The following ADAM10 variants were observed in gnomAD, a reference collection of about 807,000 sequenced individuals.
ADAM10 encodes the protein disintegrin and metalloproteinase domain-containing protein 10.
A neutral mutation model predicts 90.1 loss-of-function variants in ADAM10; 17 were observed. The observed-to-expected ratio is 0.19, with a 90% confidence interval of 0.13 to 0.28. ADAM10 has a LOEUF of 0.28. Among genes scored for constraint, ADAM10 ranks in the 10% least tolerant of loss-of-function variants. The pLI is 1.00. For missense variants in ADAM10, 610 were observed against 914.3 expected (o/e 0.67, Z 4.29); for synonymous variants, 310 against 298.6 (o/e 1.04, Z -0.40).
chr15:58,736,798 C>T (rs1194662758), intron 1 of ADAM10, among the ~76,000 whole-genome samples: 3 of 151,970 alleles, frequency 2.0e-5, no homozygotes, highest in Non-Finnish European at 4.4e-5. Context: ...AGAAGAATAA[C>T]TAGATTGGAT....
At chr15:58,605,688 G>T (rs1895251592) in intron 14 of ADAM10, among the ~76,000 whole-genome samples, 1 of 152,020 alleles carries the variant, frequency 6.6e-6, no homozygotes, top group Admixed American at 6.6e-5. Flanking sequence ...CAGAGACAAG[G>T]GTGTTAAGCA....
intron 1 of ADAM10, chr15:58,732,328 G>A (rs720273): frequency 0.045 from 6,797 of 152,320 alleles, 373 homozygotes; most frequent in African/African-American, 0.13. Flanking sequence ...AGAATTCACA[G>A]CAAAGAAATA....
chr15:58,612,082 A>C, intron 11 of ADAM10, 91 bp from the exon 12 acceptor site: 1 of 1,250,142 alleles, frequency 8.0e-7, no homozygotes, highest in East Asian at 2.5e-5. Context: ...ATTATTAGAC[A>C]TAGTACCAAT....
At chr15:58,652,159 C>A (rs1304129580) in intron 5 of ADAM10, among the ~76,000 whole-genome samples, 11 of 152,106 alleles carry the variant, frequency 7.2e-5, no homozygotes, top group African/African-American at 2.7e-4. Flanking sequence ...CCTTGTCAGA[C>A]AAGTAGTGTG....
chr15:58,655,809 G>C (rs28852159), intron 5 of ADAM10, among the ~76,000 whole-genome samples: 37,119 of 131,680 alleles, frequency 0.28, 7,684 homozygotes, highest in African/African-American at 0.58. Context: ...TGCAGTGGCC[G>C]GATCTCAGCT....
rs1285002531 is a variant in ADAM10, at chr15:58,633,314, C to T, written c.1058G>A (p.Gly353Asp). 1 of 1,613,502 alleles carries T rather than the reference C, an allele frequency of 6.2e-7. No individual in the cohort carries two copies. Among genetic ancestry groups the T allele is most frequent in the African/African-American group, 1.3e-5 (1 of 74,928 alleles). The change falls in exon 9 of 16, where the codon GGT becomes GAT. Residue 353 changes from glycine (G) to aspartate (D), a missense_variant. By Grantham distance (94) the Gly-to-Asp change is moderately conservative (BLOSUM62 -1). Transcript: ENST00000260408. ...TCCAGTGTTTAAGGACTTCTTCTTACCATCTGAATAGAGTTTACTTTTTTC... is the reference window on the plus strand; with the variant it reads ...TCCAGTGTTTAAGGACTTCTTCTTATCATCTGAATAGAGTTTACTTTTTTC... ...ICEKSKLYSD[G>D]KKKSLNTGII...
chr15:58,634,160 A>G (rs141222319), intron 8 of ADAM10, among the ~76,000 whole-genome samples: 1,558 of 151,950 alleles, frequency 0.01, 25 homozygotes, highest in African/African-American at 0.035. Flanking sequence ...AAAATACAAA[A>G]ATTAGCTGGG....
intron 11 of ADAM10, among the ~76,000 whole-genome samples, chr15:58,613,018 G>C (rs1218701664): frequency 6.6e-6 from 1 of 152,184 alleles, no homozygotes; most frequent in Non-Finnish European, 1.5e-5. Context: ...GGCCATGTCA[G>C]ACCTGACACC....
chr15:58,711,998 T>TA (rs1448649223), intron 2 of ADAM10, among the ~76,000 whole-genome samples: 1 of 152,136 alleles, frequency 6.6e-6, no homozygotes, highest in Non-Finnish European at 1.5e-5. Context: ...TTAAAATATA[T>TA]ATATACATAC....
At chr15:58,721,151 G>A (rs1898839214) in intron 1 of ADAM10, among the ~76,000 whole-genome samples, 1 of 152,326 alleles carries the variant, frequency 6.6e-6, no homozygotes, top group Admixed American at 6.5e-5. Flanking sequence ...ATTCTACTGG[G>A]AGAGTTATTA....
intron 15 of ADAM10, 97 bp downstream of exon 15, chr15:58,599,501 C>T (rs376702289): frequency 2.5e-5 from 34 of 1,379,744 alleles, no homozygotes; most frequent in South Asian, 2.2e-4. Flanking sequence ...GGAGAAAGTA[C>T]TGTAACATTA....
chr15:58,621,782 CA>C (rs1566970365), intron 10 of ADAM10, among the ~76,000 whole-genome samples, 161 bp from the exon 11 acceptor site: 1 of 152,138 alleles, frequency 6.6e-6, no homozygotes, highest in Non-Finnish European at 1.5e-5. Flanking sequence ...CTAATTCTAA[CA>C]GGGGGTCTGC....
At chr15:58,672,072 A>G (rs116696575) in intron 4 of ADAM10, among the ~76,000 whole-genome samples, 82,643 of 151,468 alleles carry the variant, frequency 0.55, 25,824 homozygotes, top group African/African-American at 0.85. Context: ...AAACAAAATA[A>G]AAGATAGTTC....
At chr15:58,724,975 G>A (rs974600361) in intron 1 of ADAM10, among the ~76,000 whole-genome samples, 16 of 151,722 alleles carry the variant, frequency 1.1e-4, no homozygotes, top group African/African-American at 3.9e-4. Flanking sequence ...TGGATTGCTT[G>A]AGCCCAGGAG....
intron 5 of ADAM10, among the ~76,000 whole-genome samples, chr15:58,653,065 T>C (rs1363874183): frequency 6.6e-6 from 1 of 152,228 alleles, no homozygotes; most frequent in African/African-American, 2.4e-5. Context: ...TACGTTGATT[T>C]TGTATCCTGC....
chr15:58,645,480 C>T (rs1395784940), intron 6 of ADAM10, among the ~76,000 whole-genome samples: 1 of 152,128 alleles, frequency 6.6e-6, no homozygotes, highest in Non-Finnish European at 1.5e-5. Flanking sequence ...AGCTTTTATA[C>T]ATGTTTAAAA....
Position 58,594,397 on chromosome 15 carries a change from G to A in ADAM10, c.*3150C>T, listed in dbSNP as rs1894897442. The A allele has an allele frequency of 2.0e-5, 3 of 152,130 alleles. No homozygotes were observed. Among genetic ancestry groups the A allele is most frequent in the Admixed American group, 2.0e-4 (3 of 15,268 alleles). The allele number at this position is 152,130 out of a possible 1,614,324, so 9.4% of individuals were successfully genotyped here. On this transcript the variant is annotated 3_prime_UTR_variant, in exon 16 of 16. Coordinates refer to ENST00000260408, the MANE Select transcript of ADAM10 (RefSeq NM_001110.4). ...AATAATAATTAGGTCTTACTACAGG[G>A]ACAAATACAAGGACTGAGGGTCGAG...
At chr15:58,618,425 A>T (rs1200285688) in intron 11 of ADAM10, among the ~76,000 whole-genome samples, 2 of 152,152 alleles carry the variant, frequency 1.3e-5, no homozygotes, top group African/African-American at 4.8e-5. Flanking sequence ...AAAAGAAAAC[A>T]TTGGGAAAAG....
At chr15:58,655,706 A>C (rs1215174247) in intron 5 of ADAM10, among the ~76,000 whole-genome samples, 1 of 56,900 alleles carries the variant, frequency 1.8e-5, no homozygotes, top group Non-Finnish European at 2.7e-5. Context: ...GTATATATAT[A>C]TATAGTATAT....
Sources: gnomAD v4.1 joint callset for allele counts (sites outside exome capture counted in the v4.1 genomes callset) on GRCh38, gnomAD v4.1.1 for gene constraint, MANE v1.5 for transcripts, NCBI Gene and HGNC (gene_info 2026-07-23, HGNC 2026-07-21) for gene names.